ELAVL2: variants seen among roughly 807,000 people sequenced by gnomAD.
ELAVL2 encodes ELAV-like protein 2.
A neutral mutation model predicts 34.6 loss-of-function variants in ELAVL2; 4 were observed. The ratio of observed to expected loss-of-function variants is 0.12; its 90% confidence interval spans 0.06 to 0.26. The LOEUF is 0.26. Ranked by LOEUF, ELAVL2 falls within the 10% of genes least tolerant of loss-of-function variation. The probability of loss-of-function intolerance (pLI) is 1.00; values close to 1 mark genes in which losing one functional copy is unlikely to be tolerated. For synonymous variants in ELAVL2, 193 were observed against 154.8 expected (o/e 1.25, Z -1.83); for missense variants, 432 against 442.8 (o/e 0.98, Z 0.22).
At chr9:23,805,284 T>A (rs2062066451) in intron 1 of ELAVL2, among the ~76,000 whole-genome samples, 1 of 152,202 alleles carries the variant, frequency 6.6e-6, no homozygotes, top group Non-Finnish European at 1.5e-5. Context: ...CCCTCATGGC[T>A]ACTAATAAAT....
chr9:23,701,095 A>T (rs769725343), intron 5 of ELAVL2, among the ~76,000 whole-genome samples: 21 of 152,046 alleles, frequency 1.4e-4, no homozygotes, highest in Non-Finnish European at 2.6e-4. Context: ...CAACATGAAT[A>T]CCTCTAGACA....
upstream of ELAVL2, among the ~76,000 whole-genome samples, chr9:23,830,910 C>T (rs783456): frequency 1.7e-4 from 26 of 152,076 alleles, no homozygotes; most frequent in East Asian, 4.3e-3. Context: ...GGAAAAAAAA[C>T]CCCAAAAAAC....
chr9:23,783,161 C>CT lies in ELAVL2; in HGVS notation c.-15-20913dup, dbSNP rs555574550. The stretch of plus-strand genomic sequence containing the variant: ...CTGTGAAAGGTAGCCAAACTCTACT[C>CT]TCCGGAGGCGTGAAGTCATCATACT... On this transcript the variant is annotated intron_variant, in intron 1 of 6. Transcript: ENST00000397312. 9.9e-4 allele frequency among the ~76,000 whole-genome samples: 140 copies of CT among 141,912 alleles called. 1 individual carries two copies. Among genetic ancestry groups the CT allele is most frequent in the South Asian group, 4.9e-3 (22 of 4,488 alleles). The allele number at this position is 141,912 out of a possible 152,430, so 93.1% of individuals were successfully genotyped here.
At chr9:23,762,342 A>C (rs1306602088) in intron 1 of ELAVL2, 93 bp from the exon 2 acceptor site, 1 of 1,487,406 alleles carries the variant, frequency 6.7e-7, no homozygotes, top group East Asian at 2.3e-5. Context: ...CACTAAACAC[A>C]AGTCGTTCTA....
chr9:23,802,391 G>C (rs893524501), intron 1 of ELAVL2, among the ~76,000 whole-genome samples: 6 of 152,192 alleles, frequency 3.9e-5, no homozygotes, highest in African/African-American at 4.8e-5. Flanking sequence ...ACTTTCTAGT[G>C]ATAGAATTTG....
At chr9:23,693,407 TG>T in intron 6 of ELAVL2, 40 bp downstream of exon 6, 1 of 1,611,938 alleles carries the variant, frequency 6.2e-7, no homozygotes, top group Non-Finnish European at 8.5e-7. Context: ...ACCAATCAAC[TG>T]TGGAAAGGGA....
intron 2 of ELAVL2, among the ~76,000 whole-genome samples, chr9:23,759,757 TATATATATA>T (rs1564324109): frequency 1.4e-3 from 86 of 62,584 alleles, no homozygotes; most frequent in Non-Finnish European, 1.7e-3. Context: ...TATAGTATTA[TATATATATA>T]TATATATATA....
At chr9:23,796,033 G>T (rs1030697018) in intron 1 of ELAVL2, among the ~76,000 whole-genome samples, 2 of 152,056 alleles carry the variant, frequency 1.3e-5, no homozygotes, top group Non-Finnish European at 1.5e-5. Context: ...TACCCATTTT[G>T]GTCCTTGGAC....
chr9:23,833,359 G>A, the ELAVL2 span, among the ~76,000 whole-genome samples: 1 of 151,702 alleles, frequency 6.6e-6, no homozygotes, highest in Non-Finnish European at 1.5e-5. Context: ...CTTAAGCTAT[G>A]ATTTTTATTT....
intron 1 of ELAVL2, among the ~76,000 whole-genome samples, chr9:23,806,461 C>A (rs2062235147): frequency 6.6e-6 from 1 of 151,928 alleles, no homozygotes. Flanking sequence ...GATGGTGAGA[C>A]CCCATCTCTA....
At chr9:23,750,040 A>AG (rs2051509637) in intron 2 of ELAVL2, among the ~76,000 whole-genome samples, 1 of 152,004 alleles carries the variant, frequency 6.6e-6, no homozygotes, top group South Asian at 2.1e-4. Flanking sequence ...GGAAAAAAAA[A>AG]AAAAAGACTC....
At chr9:23,795,457 C>T (rs4977891) in intron 1 of ELAVL2, among the ~76,000 whole-genome samples, 6,709 of 152,136 alleles carry the variant, frequency 0.044, 385 homozygotes, top group Admixed American at 0.13. Context: ...ACAGGAGAAT[C>T]GCTTGAACCT....
At chr9:23,808,590 T>C (rs2062559193) in intron 1 of ELAVL2, among the ~76,000 whole-genome samples, 1 of 152,098 alleles carries the variant, frequency 6.6e-6, no homozygotes, top group Non-Finnish European at 1.5e-5. Context: ...CCAGACACAA[T>C]AAAATAATAA....
intron 6 of ELAVL2, among the ~76,000 whole-genome samples, chr9:23,693,105 T>C (rs967354920): frequency 1.3e-5 from 2 of 152,232 alleles, no homozygotes; most frequent in Non-Finnish European, 2.9e-5. Context: ...TGACCATTAT[T>C]CACTGTACTG....
chr9:23,760,513 G>C (rs900137174), intron 2 of ELAVL2, among the ~76,000 whole-genome samples: 1 of 151,960 alleles, frequency 6.6e-6, no homozygotes, highest in South Asian at 2.1e-4. Flanking sequence ...TTTAAAACAT[G>C]TTAAAAAGAT....
At chr9:23,825,227 C>T (rs1390750597) in intron 1 of ELAVL2, among the ~76,000 whole-genome samples, 1 of 152,184 alleles carries the variant, frequency 6.6e-6, no homozygotes, top group African/African-American at 2.4e-5. Context: ...CTCAGCCCAG[C>T]CCCAGCCCCA....
chr9:23,767,792 T>C (rs1308993693), intron 1 of ELAVL2, among the ~76,000 whole-genome samples: 9 of 152,052 alleles, frequency 5.9e-5, no homozygotes, highest in African/African-American at 1.9e-4. Flanking sequence ...TAAATAAATA[T>C]ATCCTAACTA....
In ELAVL2 at chr9:23,690,404, A is replaced by G. The variant is rs1434867138; in HGVS notation, c.*2153T>C. On this transcript the variant is annotated 3_prime_UTR_variant, in exon 7 of 7. Coordinates refer to ENST00000397312, the MANE Select transcript of ELAVL2 (RefSeq NM_004432.5). ...GCTGTTTTCCCTTGAGGGAAACCTT[A>G]TTATTTTTTTTTAAGTATATACATG... The G allele has an allele frequency of 6.6e-6, 1 of 152,362 alleles. No individual in the cohort carries two copies. The highest frequency in any genetic ancestry group is 2.4e-5 in the African/African-American group (1 of 41,376). The allele number at this position is 152,362 out of a possible 1,614,324, so 9.4% of individuals were successfully genotyped here.
chr9:23,804,587 T>C (rs537915282), intron 1 of ELAVL2, among the ~76,000 whole-genome samples: 9 of 152,316 alleles, frequency 5.9e-5, no homozygotes, highest in Non-Finnish European at 1.0e-4. Flanking sequence ...AGATACCTTA[T>C]ACAGTAAAGC....
Sources: allele counts gnomAD v4.1 joint callset (sites outside exome capture counted in the v4.1 genomes callset), GRCh38; gene constraint gnomAD v4.1.1; transcripts MANE v1.5; gene names NCBI Gene and HGNC (gene_info 2026-07-23, HGNC 2026-07-21).